VPS13B: variants seen among roughly 807,000 people sequenced by gnomAD.
The protein encoded by VPS13B is intermembrane lipid transfer protein VPS13B.
VPS13B carries 285 observed loss-of-function variants against 426.4 expected under a neutral mutation model. The observed-to-expected ratio is 0.67, with a 90% CI of 0.61 to 0.74. The LOEUF (loss-of-function observed/expected upper bound fraction) is 0.74. VPS13B is among the 30% of genes least tolerant of loss of function. The probability of loss-of-function intolerance (pLI) is 0.00; values close to 1 mark genes in which losing one functional copy is unlikely to be tolerated. For synonymous variants in VPS13B, 1,676 were observed against 1,676.4 expected, an observed-to-expected ratio of 1.00 and a Z score of 0.01; for missense variants, 4,537 against 4,782.6, an observed-to-expected ratio of 0.95 and a Z score of 1.51.
chr8:99,493,855 C>G (rs1296300060), intron 25 of VPS13B, among the ~76,000 whole-genome samples: 1 of 144,450 alleles, frequency 6.9e-6, no homozygotes, highest in Non-Finnish European at 1.5e-5. Flanking sequence ...ACCATATGGA[C>G]AAAGGACCCT....
intron 2 of VPS13B, among the ~76,000 whole-genome samples, chr8:99,032,907 G>T (rs1405799652): frequency 6.6e-6 from 1 of 152,014 alleles, no homozygotes; most frequent in Non-Finnish European, 1.5e-5. Context: ...AACTAGTTGA[G>T]ATTATTGATA....
intron 39 of VPS13B, among the ~76,000 whole-genome samples, chr8:99,748,595 TGACA>T (rs1007759909): frequency 1.3e-5 from 2 of 152,094 alleles, no homozygotes; most frequent in Admixed American, 6.6e-5. Flanking sequence ...AAATTTGACA[TGACA>T]GACAGTAGGA....
At chr8:99,043,054 TTTGA>T (rs1843045706) in intron 3 of VPS13B, among the ~76,000 whole-genome samples, 1 of 152,236 alleles carries the variant, frequency 6.6e-6, no homozygotes, top group Non-Finnish European at 1.5e-5. Context: ...TAAAGCTTTC[TTTGA>T]TTGGACACCA....
rs1814838075 is a variant in VPS13B at position 99,828,396 on chromosome 8, T to TTC, written c.9331-3972_9331-3971insCT. Among the ~76,000 whole-genome samples, 2 of 27,476 alleles carry TTC rather than the reference T, an allele frequency of 7.3e-5. 1 individual carries two copies. The highest frequency in any genetic ancestry group is 2.9e-4 in the African/African-American group (2 of 6,938). The allele number at this position is 27,476 out of a possible 152,430, so 18.0% of individuals were successfully genotyped here. ...CAGAGACTAGGATTACAACCACCGT[T>TTC]TTTTTTTTTTTTTTTTTTTTTTTTT... is the stretch of plus-strand genomic sequence containing the variant. On this transcript the variant is annotated intron_variant, in intron 51 of 61. Coordinates refer to ENST00000357162, the MANE Select transcript of VPS13B (RefSeq NM_152564.5).
chr8:99,457,357 T>C (rs1818534406), intron 23 of VPS13B, among the ~76,000 whole-genome samples: 1 of 152,154 alleles, frequency 6.6e-6, no homozygotes, highest in Non-Finnish European at 1.5e-5. Flanking sequence ...TCTAGACAGT[T>C]ATGTATTCAT....
chr8:99,541,470 G>C (rs1563785922), intron 30 of VPS13B, among the ~76,000 whole-genome samples: 1 of 152,016 alleles, frequency 6.6e-6, no homozygotes, highest in Non-Finnish European at 1.5e-5. Flanking sequence ...GCATGCATTA[G>C]GTGTTTGTCC....
intron 39 of VPS13B, among the ~76,000 whole-genome samples, chr8:99,744,290 A>T (rs2130497660): frequency 6.6e-6 from 1 of 152,302 alleles, no homozygotes; most frequent in East Asian, 1.9e-4. Flanking sequence ...CACCAGCTAG[A>T]ATGGTGATCA....
At chr8:99,709,724 T>C (rs901063768) in intron 36 of VPS13B, among the ~76,000 whole-genome samples, 14 of 152,174 alleles carry the variant, frequency 9.2e-5, no homozygotes, top group African/African-American at 2.7e-4. Context: ...GTACGATTGG[T>C]CAAAGTGACC....
At chr8:99,798,226 CAAAA>C (rs34155215) in intron 43 of VPS13B, among the ~76,000 whole-genome samples, 1 of 84,952 alleles carries the variant, frequency 1.2e-5, no homozygotes, top group Admixed American at 1.3e-4. Flanking sequence ...TTGAAATAGC[CAAAA>C]AAAAAAAAAA....
chr8:99,396,061 A>G (rs1814711631), intron 21 of VPS13B, among the ~76,000 whole-genome samples: 1 of 152,190 alleles, frequency 6.6e-6, no homozygotes, highest in Admixed American at 6.5e-5. Flanking sequence ...CACAAAGAGA[A>G]TAAAGGAAAA....
At chr8:99,089,475 A>G (rs969079990) in intron 3 of VPS13B, among the ~76,000 whole-genome samples, 2 of 152,174 alleles carry the variant, frequency 1.3e-5, no homozygotes. Flanking sequence ...ATAAGACATC[A>G]ATCAATATAT....
chr8:99,076,237 A>G (rs1447231117), intron 3 of VPS13B, among the ~76,000 whole-genome samples: 1 of 152,052 alleles, frequency 6.6e-6, no homozygotes, highest in Non-Finnish European at 1.5e-5. Context: ...CATGATTTTG[A>G]TTTTTAAAAA....
At chr8:99,222,152 G>A (rs1051201586) in intron 17 of VPS13B, among the ~76,000 whole-genome samples, 2 of 152,144 alleles carry the variant, frequency 1.3e-5, no homozygotes, top group African/African-American at 2.4e-5. Context: ...TGAATGAAGA[G>A]TACCAAATAT....
At chr8:99,861,649 C>G in intron 57 of VPS13B, 127 bp from the exon 58 acceptor site, 1 of 1,247,028 alleles carries the variant, frequency 8.0e-7, no homozygotes, top group Non-Finnish European at 1.1e-6. Flanking sequence ...TGAGAGGGAG[C>G]CACCATCACT....
intron 19 of VPS13B, among the ~76,000 whole-genome samples, chr8:99,337,950 G>A (rs578014450): frequency 7.2e-5 from 11 of 151,986 alleles, no homozygotes; most frequent in African/African-American, 2.7e-4. Context: ...AGCATCATGT[G>A]TTGAAAAGAC....
chr8:99,590,586 G>T (rs188158710), intron 33 of VPS13B, among the ~76,000 whole-genome samples: 6 of 152,026 alleles, frequency 3.9e-5, no homozygotes, highest in African/African-American at 1.2e-4. Context: ...CCTTCATTTC[G>T]TTATTTACCA....
intron 17 of VPS13B, among the ~76,000 whole-genome samples, chr8:99,273,901 T>C (rs572540959): frequency 4.3e-4 from 66 of 152,358 alleles, no homozygotes; most frequent in African/African-American, 1.5e-3. Flanking sequence ...AAACCAAATA[T>C]GATTTTTAAA....
intron 17 of VPS13B, chr8:99,234,453 C>G: frequency 3.2e-6 from 2 of 628,974 alleles, no homozygotes; most frequent in South Asian, 1.4e-5. Context: ...TGCAATTCCA[C>G]TTTACCTTGG....
Position 99,520,964 on chromosome 8 carries a change from G to A in VPS13B, c.4699G>A (p.Ala1567Thr), listed in dbSNP as rs1488922033. The A allele has an allele frequency of 6.2e-7, 1 of 1,613,714 alleles. No homozygotes were observed. Among genetic ancestry groups the A allele is most frequent in the Non-Finnish European group, 8.5e-7 (1 of 1,179,716 alleles). The part of the protein sequence containing the change: ...KIGSVAMAPQ[A>T]DNPLGRSVLR... ...TGGCTCTGTTGCCATGGCTCCCCAG[G>A]CTGACAATCCCCTTGGCAGATCTGT... Residue 1567 changes from alanine (A) to threonine (T), a missense_variant, in exon 30 of 62, where the codon GCT (alanine) becomes ACT (threonine). By Grantham distance (58) the Ala-to-Thr change is moderately conservative. Transcript: ENST00000357162.
Sources: gnomAD v4.1 joint callset for allele counts (sites outside exome capture counted in the v4.1 genomes callset) on GRCh38, gnomAD v4.1.1 for gene constraint, MANE v1.5 for transcripts, NCBI Gene and HGNC (gene_info 2026-07-23, HGNC 2026-07-21) for gene names.